CACNA1D: variants seen among roughly 807,000 people sequenced by gnomAD.
CACNA1D encodes calcium voltage-gated channel subunit alpha1 D.
In CACNA1D, 55 loss-of-function variants were observed where a neutral mutation model predicts 257.1. The ratio of observed to expected loss-of-function variants is 0.21; its 90% CI spans 0.17 to 0.27. The LOEUF (loss-of-function observed/expected upper bound fraction) is 0.27. CACNA1D is among the 10% of genes least tolerant of loss of function. The pLI is 1.00. For synonymous variants in CACNA1D, 980 were observed against 1,014.9 expected (o/e 0.97, Z 0.65); for missense variants, 1,876 against 2,784.0 (o/e 0.67, Z 7.34).
chr3:53,645,493 A>G (rs2094009258), intron 3 of CACNA1D, among the ~76,000 whole-genome samples: 4 of 152,060 alleles, frequency 2.6e-5, no homozygotes, highest in Admixed American at 6.5e-5. Context: ...TGATTTTTGT[A>G]TATGGGGTGA....
At chr3:53,691,915 A>T (rs1427944205) in intron 8 of CACNA1D, among the ~76,000 whole-genome samples, 9 of 78,576 alleles carry the variant, frequency 1.1e-4, no homozygotes, top group Non-Finnish European at 2.0e-4. Flanking sequence ...ATTATATATA[A>T]TATATATTAT....
rs1202978681 is a variant in CACNA1D at position 53,723,552 on chromosome 3, G to A, written c.1785G>A (p.Val595=). ...SLFNRFDCFV[V]CGGITETILV... The stretch of plus-strand genomic sequence containing the variant: ...TCAACCGGTTTGATTGCTTCGTGGT[G>A]TGTGGTGGAATCACTGAGACGATCT... The change falls in exon 13 of 48, where the codon GTG becomes GTA. Residue 595 remains valine, a synonymous_variant. Transcript: ENST00000350061. The surrounding 1 kb of genome is among the most constrained non-coding windows in gnomAD (Gnocchi z 5.6). 3 of 1,613,992 alleles carry A rather than the reference G, an allele frequency of 1.9e-6. No individual in the cohort carries two copies. Among genetic ancestry groups the A allele is most frequent in the Non-Finnish European group, 2.5e-6 (3 of 1,180,020 alleles).
In CACNA1D at chr3:53,595,052, A is replaced by T. The variant is rs115627582; in HGVS notation, c.484-55727A>T. On this transcript the variant is annotated intron_variant, in intron 3 of 47. Transcript: ENST00000350061. Reference sequence around the variant, plus strand: ...TATTGATTTCTTTCCTCAGGTTTCAATTGGTATTTTTTCCATGTTGTCTAT... The same window carrying T: ...TATTGATTTCTTTCCTCAGGTTTCATTTGGTATTTTTTCCATGTTGTCTAT... Among the ~76,000 whole-genome samples, 1,442 of 152,286 alleles carry T rather than the reference A, an allele frequency of 9.5e-3. 32 individuals are homozygous for T. The highest frequency in any genetic ancestry group is 0.032 in the African/African-American group (1,349 of 41,554).
At chr3:53,615,528 C>G (rs566418758) in intron 3 of CACNA1D, among the ~76,000 whole-genome samples, 1 of 152,208 alleles carries the variant, frequency 6.6e-6, no homozygotes, top group African/African-American at 2.4e-5. Flanking sequence ...GCTTTATAGC[C>G]TGGTGGAAGA....
At chr3:53,720,494 G>A (rs2094871170) in intron 11 of CACNA1D, among the ~76,000 whole-genome samples, 1 of 152,158 alleles carries the variant, frequency 6.6e-6, no homozygotes, top group African/African-American at 2.4e-5. Context: ...AAAAATATTT[G>A]CAAAGCATAT....
chr3:53,710,805 C>T lies in CACNA1D; in HGVS notation c.1391-7496C>T, dbSNP rs1245188614. Among the ~76,000 whole-genome samples, 3 of 152,212 alleles carry T rather than the reference C, an allele frequency of 2.0e-5. No individual in the cohort carries two copies. In the East Asian group the frequency reaches 5.8e-4, roughly 29 times the overall value. ...CCAAATGATTTTTTTAAATTTAAAC[C>T]GTTTAGAAATTCCAATAATGTTATT... is the stretch of plus-strand genomic sequence containing the variant. On this transcript the variant is annotated intron_variant, in intron 9 of 47. Coordinates refer to ENST00000350061, the MANE Select transcript of CACNA1D (RefSeq NM_001128840.3).
intron 8 of CACNA1D, among the ~76,000 whole-genome samples, chr3:53,689,119 A>G (rs2094497546): frequency 6.6e-6 from 1 of 152,206 alleles, no homozygotes; most frequent in East Asian, 1.9e-4. Flanking sequence ...TTGGCAAGTC[A>G]GAGGGCCTCA....
intron 8 of CACNA1D, among the ~76,000 whole-genome samples, chr3:53,681,722 C>G (rs895857835): frequency 2.6e-5 from 4 of 152,204 alleles, no homozygotes; most frequent in Non-Finnish European, 5.9e-5. Flanking sequence ...CAATTACAAA[C>G]TCGTATAAAT....
intron 3 of CACNA1D, among the ~76,000 whole-genome samples, chr3:53,602,053 A>C (rs930274884): frequency 6.6e-6 from 1 of 152,158 alleles, no homozygotes; most frequent in Admixed American, 6.5e-5. Flanking sequence ...ATCTGTCAAC[A>C]CTAGGTCTTA....
chr3:53,531,018 A>AT lies in CACNA1D; in HGVS notation c.483+29316dup, dbSNP rs11328561. 4.2e-3 allele frequency among the ~76,000 whole-genome samples: 500 copies of AT among 118,876 alleles called. 7 individuals are homozygous for AT. The highest frequency in any genetic ancestry group is 8.7e-3 in the African/African-American group (278 of 32,130). The allele number at this position is 118,876 out of a possible 152,430, so 78.0% of individuals were successfully genotyped here. On this transcript the variant is annotated intron_variant, in intron 3 of 47. Transcript: ENST00000350061. ...GTCCCACCATGCCCAGCTAATTTTA[A>AT]TTTTTTTTTTTTTTTTTTGTAGAGG...
At chr3:53,743,702 CA>C (rs1423716008) in intron 22 of CACNA1D, among the ~76,000 whole-genome samples, 1 of 152,204 alleles carries the variant, frequency 6.6e-6, no homozygotes, top group African/African-American at 2.4e-5. Context: ...TTACCATCCC[CA>C]GGGGTGTGGG....
Position 53,723,669 on chromosome 3 carries a change from T to C in CACNA1D, c.1892+10T>C. The C allele has an allele frequency of 1.2e-6, 2 of 1,612,216 alleles. No individual in the cohort carries two copies. The highest frequency in any genetic ancestry group is 1.3e-5 in the African/African-American group (1 of 74,956). On this transcript the variant is annotated intron_variant, in intron 13 of 47. Coordinates refer to ENST00000350061, the MANE Select transcript of CACNA1D (RefSeq NM_001128840.3). The surrounding 1 kb of genome is among the most constrained non-coding windows in gnomAD (Gnocchi z 5.6). The stretch of plus-strand genomic sequence containing the variant: ...TCTTCAAAGTGACCAGGTAAGGAAA[T>C]GTGGGTCCCACTGCAAATGTTTTAT...
At chr3:53,729,627 C>G (rs2094969165) in intron 15 of CACNA1D, among the ~76,000 whole-genome samples, 1 of 152,144 alleles carries the variant, frequency 6.6e-6, no homozygotes, top group African/African-American at 2.4e-5. Context: ...CAAAAACATT[C>G]AAGAAAGCCA....
At chr3:53,586,899 G>T (rs1443784868) in intron 3 of CACNA1D, among the ~76,000 whole-genome samples, 1 of 152,110 alleles carries the variant, frequency 6.6e-6, no homozygotes, top group Non-Finnish European at 1.5e-5. Context: ...AGAGACGCTG[G>T]GGGGGTAATG....
At chr3:53,775,030 G>C (rs931643365) in intron 34 of CACNA1D, among the ~76,000 whole-genome samples, 1 of 152,192 alleles carries the variant, frequency 6.6e-6, no homozygotes. Context: ...TAGCAAAAAC[G>C]TCAAGGCCTT....
chr3:53,716,600 G>T (rs1275912095), intron 9 of CACNA1D, among the ~76,000 whole-genome samples: 1 of 149,070 alleles, frequency 6.7e-6, no homozygotes, highest in Non-Finnish European at 1.5e-5. Context: ...TTGTTTGTTT[G>T]TTTCTGCATG....
intron 3 of CACNA1D, among the ~76,000 whole-genome samples, chr3:53,545,961 A>G (rs902745669): frequency 6.6e-6 from 1 of 152,186 alleles, no homozygotes; most frequent in African/African-American, 2.4e-5. Context: ...AATAGGCAGT[A>G]GCAGTGTGAA....
chr3:53,636,944 C>T (rs769512253), intron 3 of CACNA1D, among the ~76,000 whole-genome samples: 1 of 152,250 alleles, frequency 6.6e-6, no homozygotes, highest in Non-Finnish European at 1.5e-5. Flanking sequence ...CCTTCTTTTA[C>T]ATTAACTATC....
chr3:53,753,453 C>T (rs765362771), intron 28 of CACNA1D, 119 bp from the exon 29 acceptor site: 11 of 763,146 alleles, frequency 1.4e-5, no homozygotes, highest in East Asian at 5.0e-5. Context: ...AATTGCCCAG[C>T]GAGGGTGCTG....
Sources: gnomAD v4.1 joint callset for allele counts (sites outside exome capture counted in the v4.1 genomes callset) on GRCh38, gnomAD v4.1.1 for gene constraint, Gnocchi (gnomAD v3.1) non-coding constraint, MANE v1.5 for transcripts, NCBI Gene and HGNC (gene_info 2026-07-23, HGNC 2026-07-21) for gene names.